Variants in IFT74 observed in about 807,000 individuals in gnomAD.
The protein encoded by IFT74 is intraflagellar transport protein 74 homolog.
Under a neutral mutation model 96.7 loss-of-function variants are expected in IFT74, and 92 were observed. That is an observed-to-expected ratio of 0.95 (90% CI 0.80 to 1.13). The LOEUF is 1.13. Among genes scored for constraint, IFT74 ranks in the 50% most tolerant of loss-of-function variants. The pLI is 0.00. For synonymous variants in IFT74, 223 were observed against 213.2 expected, an observed-to-expected ratio of 1.05 and a Z score of -0.40; for missense variants, 811 against 698.2, an observed-to-expected ratio of 1.16 and a Z score of -1.82.
chr9:26,955,491 C>T (rs1826051761), upstream of IFT74, among the ~76,000 whole-genome samples: 1 of 152,150 alleles, frequency 6.6e-6, no homozygotes, highest in African/African-American at 2.4e-5. Flanking sequence ...CAGTATCTGT[C>T]ACTTTCAGTT....
chr9:27,003,234 T>G (rs1828595211), intron 8 of IFT74, among the ~76,000 whole-genome samples: 1 of 151,998 alleles, frequency 6.6e-6, no homozygotes, highest in Non-Finnish European at 1.5e-5. Flanking sequence ...AAGTGTAAGA[T>G]CATGTCTGCC....
intron 8 of IFT74, among the ~76,000 whole-genome samples, chr9:27,002,541 A>G (rs1398983892): frequency 6.6e-6 from 1 of 152,196 alleles, no homozygotes; most frequent in Non-Finnish European, 1.5e-5. Flanking sequence ...ATTTATTGAA[A>G]CAACTATTAT....
At chr9:26,956,680 C>A (rs369899944) in intron 1 of IFT74, among the ~76,000 whole-genome samples, 164 bp downstream of exon 1, 22 of 152,340 alleles carry the variant, frequency 1.4e-4, no homozygotes, top group African/African-American at 4.3e-4. Flanking sequence ...TCTAGTCGAG[C>A]GAAGGTTGCG....
chr9:27,025,781 G>T (rs1042338120), intron 12 of IFT74, among the ~76,000 whole-genome samples: 1 of 152,138 alleles, frequency 6.6e-6, no homozygotes, highest in Non-Finnish European at 1.5e-5. Flanking sequence ...TCAGAGAAAT[G>T]CTGAGAGAAT....
chr9:27,012,489 A>G lies in IFT74; in HGVS notation c.789+521A>G, dbSNP rs12348593. ...TGCCTTGGCTTCCCAATGTGCTGGG[A>G]TTACAGGCATGAGGCATTGTGCTCA... On this transcript the variant is annotated intron_variant, in intron 10 of 19. Transcript: ENST00000380062. Among the ~76,000 whole-genome samples the G allele has an allele frequency of 8.3e-3, 1,265 of 152,188 alleles. 16 individuals are homozygous for G. Among genetic ancestry groups the G allele is most frequent in the African/African-American group, 0.028 (1,177 of 41,530 alleles).
chr9:27,043,929 C>A (rs1038290691), intron 13 of IFT74, among the ~76,000 whole-genome samples: 10 of 152,100 alleles, frequency 6.6e-5, no homozygotes, highest in Non-Finnish European at 2.9e-5. Flanking sequence ...CTCTTTTATT[C>A]TCCAGACTGG....
At chr9:26,967,169 A>G (rs995413802) in intron 2 of IFT74, among the ~76,000 whole-genome samples, 1 of 151,284 alleles carries the variant, frequency 6.6e-6, no homozygotes, top group Non-Finnish European at 1.5e-5. Context: ...ATTGCATTGA[A>G]TTTGTAGATT....
chr9:26,958,033 G>A lies in IFT74; in HGVS notation c.-20+1517G>A, dbSNP rs556156776. On this transcript the variant is annotated intron_variant, in intron 1 of 19. Transcript: ENST00000380062. Reference sequence around the variant, plus strand: ...CTCCCAAAGTTCTGGGATTACAGGCGTGAGCCACCGCTCCCGGTCGCTTTG... The same window carrying A: ...CTCCCAAAGTTCTGGGATTACAGGCATGAGCCACCGCTCCCGGTCGCTTTG... 1.3e-5 allele frequency among the ~76,000 whole-genome samples: 2 copies of A among 152,108 alleles called. 1 individual carries two copies. The highest frequency in any genetic ancestry group is 3.9e-4 in the East Asian group (2 of 5,186).
intron 8 of IFT74, among the ~76,000 whole-genome samples, chr9:27,006,222 A>G (rs1828768975): frequency 1.3e-5 from 2 of 152,224 alleles, no homozygotes; most frequent in African/African-American, 4.8e-5. Context: ...AGAGTTTACA[A>G]TATTGAAAAT....
At chr9:26,956,879 T>TA (rs1293568195) in intron 1 of IFT74, among the ~76,000 whole-genome samples, 1 of 152,262 alleles carries the variant, frequency 6.6e-6, no homozygotes, top group African/African-American at 2.4e-5. Context: ...ACTTTCCACT[T>TA]ATTCACCTGT....
intron 2 of IFT74, among the ~76,000 whole-genome samples, chr9:26,975,140 AG>A (rs1236702676): frequency 6.6e-6 from 1 of 152,164 alleles, no homozygotes; most frequent in Non-Finnish European, 1.5e-5. Flanking sequence ...AGGCGGCAGC[AG>A]CTGCCTGAGG....
Position 26,997,960 on chromosome 9 carries a change from A to C in IFT74, c.587+7765A>C, listed in dbSNP as rs767216658. The C allele has an allele frequency of 4.8e-5, 77 of 1,613,896 alleles. 1 individual carries two copies. In the Middle Eastern group the frequency reaches 9.9e-4, roughly 21 times the overall value. On this transcript the variant is annotated intron_variant, in intron 8 of 19. Transcript: ENST00000380062. ...GGCAGAGATATAACTGTTTTAGTTT[A>C]TTTAAGCCTAAAAATGCACCCTGTT...
At chr9:26,949,819 C>G (rs1031981512) in intron 1 of IFT74, among the ~76,000 whole-genome samples, 2 of 152,106 alleles carry the variant, frequency 1.3e-5, no homozygotes, top group African/African-American at 4.8e-5. Flanking sequence ...TCTTCGTGAA[C>G]CTGAGTCATT....
At chr9:26,947,194 G>A (rs1825763488) in intron 1 of IFT74, 2 of 961,780 alleles carry the variant, frequency 2.1e-6, no homozygotes, top group South Asian at 1.9e-5. Flanking sequence ...GGTACGGAAG[G>A]GCGGCTGGGA....
intron 8 of IFT74, chr9:26,995,628 CAG>C (rs1828108925): frequency 6.2e-7 from 1 of 1,613,172 alleles, no homozygotes; most frequent in Non-Finnish European, 8.5e-7. Context: ...GTAGTTTCTT[CAG>C]AGTTTGTTTC....
chr9:27,044,432 T>G lies in IFT74; in HGVS notation c.1055-310T>G, dbSNP rs561742197. ...TGTCTTGCTGGTGATCTTTCAAAGA[T>G]GGAATGGACTTTCTTGGGAACTTAT... On this transcript the variant is annotated intron_variant, in intron 13 of 19. Transcript: ENST00000380062. 2.6e-5 allele frequency among the ~76,000 whole-genome samples: 4 copies of G among 152,346 alleles called. 1 individual carries two copies. The South Asian group carries it at 8.3e-4, about 32-fold the overall frequency.
At chr9:26,970,733 G>A (rs912540895) in intron 2 of IFT74, among the ~76,000 whole-genome samples, 1 of 152,156 alleles carries the variant, frequency 6.6e-6, no homozygotes, top group African/African-American at 2.4e-5. Flanking sequence ...GTCTTCCTGT[G>A]TCCAACACAT....
intron 4 of IFT74, among the ~76,000 whole-genome samples, chr9:26,983,127 A>T (rs1827460736): frequency 6.6e-6 from 1 of 152,032 alleles, no homozygotes; most frequent in South Asian, 2.1e-4. Flanking sequence ...AGTTACCTGG[A>T]TCCTATTGAG....
chr9:26,999,721 A>G (rs756931671), intron 8 of IFT74: 3 of 1,310,812 alleles, frequency 2.3e-6, no homozygotes, highest in Non-Finnish European at 3.1e-6. Flanking sequence ...AAAAGAGAGT[A>G]TTTTCATTAA....
Sources: gnomAD v4.1 joint callset for allele counts (sites outside exome capture counted in the v4.1 genomes callset) on GRCh38, gnomAD v4.1.1 for gene constraint, MANE v1.5 for transcripts, NCBI Gene and HGNC (gene_info 2026-07-23, HGNC 2026-07-21) for gene names.